Variants in NUMB observed in about 807,000 individuals in gnomAD.
The protein encoded by NUMB is NUMB endocytic adaptor protein, also known as protein numb homolog.
NUMB carries 29 observed loss-of-function variants against 59.7 expected under a neutral mutation model. That is an observed-to-expected ratio of 0.49 (90% confidence interval 0.36 to 0.66). The LOEUF is 0.66. Ranked by LOEUF, NUMB falls within the 30% of genes least tolerant of loss-of-function variation. The pLI is 0.00. For missense variants in NUMB, 723 were observed against 822.0 expected, an observed-to-expected ratio of 0.88 and a Z score of 1.47; for synonymous variants, 288 against 288.2, an observed-to-expected ratio of 1.00 and a Z score of 0.01.
intron 4 of NUMB, among the ~76,000 whole-genome samples, chr14:73,353,346 CA>C (rs1893568196): frequency 1.3e-5 from 2 of 150,344 alleles, no homozygotes; most frequent in Non-Finnish European, 3.0e-5. Context: ...CTCGGCATCC[CA>C]AAGTGCTGGG....
At chr14:73,284,617 G>C (rs1378674908) in intron 9 of NUMB, 1 of 339,580 alleles carries the variant, frequency 2.9e-6, no homozygotes, top group Non-Finnish European at 5.3e-6. Context: ...TTCTCATTCA[G>C]TGATTTATAA....
intron 1 of NUMB, among the ~76,000 whole-genome samples, chr14:73,413,956 CTT>C (rs748482351): frequency 3.9e-4 from 54 of 138,838 alleles, no homozygotes; most frequent in Middle Eastern, 3.7e-3. Context: ...AATGTTTTTT[CTT>C]TTTTTTTTTT....
intron 1 of NUMB, among the ~76,000 whole-genome samples, chr14:73,414,980 A>C (rs1018422724): frequency 6.6e-6 from 1 of 152,252 alleles, no homozygotes; most frequent in East Asian, 1.9e-4. Flanking sequence ...TCGGCCTCCC[A>C]AAGTGCTGGG....
intron 6 of NUMB, among the ~76,000 whole-genome samples, chr14:73,301,066 T>C (rs1196916110): frequency 6.6e-6 from 1 of 152,238 alleles, no homozygotes; most frequent in Admixed American, 6.5e-5. Flanking sequence ...GCAAGGTTTC[T>C]TCCATCTATC....
At chr14:73,452,779 A>C (rs1057367331) in intron 1 of NUMB, among the ~76,000 whole-genome samples, 1 of 152,184 alleles carries the variant, frequency 6.6e-6, no homozygotes, top group East Asian at 1.9e-4. Flanking sequence ...CTAAATCCAC[A>C]TGGTCCTTCC....
At chr14:73,284,464 C>T in intron 9 of NUMB, 90 bp from the exon 10 acceptor site, 1 of 1,088,546 alleles carries the variant, frequency 9.2e-7, no homozygotes, top group South Asian at 1.5e-5. Context: ...CCTCTAGGTC[C>T]TTTTACCCAT....
chr14:73,306,611 TTTCTC>T (rs1202575889), intron 6 of NUMB, among the ~76,000 whole-genome samples: 1 of 152,244 alleles, frequency 6.6e-6, no homozygotes, highest in African/African-American at 2.4e-5. Flanking sequence ...CTGAAATCTC[TTTCTC>T]TTCTAAGTTA....
At chr14:73,458,002 C>T (rs938563358) in intron 1 of NUMB, 8 of 152,860 alleles carry the variant, frequency 5.2e-5, no homozygotes, top group Non-Finnish European at 7.3e-5. Context: ...CCCTGCCCCC[C>T]ACCCCGCTCT....
At position 73,289,353 on chromosome 14, in the gene NUMB, T is replaced by G. The variant is rs537209592; in HGVS notation, c.451-2039A>C. ...TACACTGGATTACCCAGAGTCAATT[T>G]AATAAATTCAATGGATGATTTTTAG... is the stretch of plus-strand genomic sequence containing the variant. On this transcript the variant is annotated intron_variant, in intron 8 of 12. Transcript: ENST00000555238. Among the ~76,000 whole-genome samples the G allele has an allele frequency of 2.6e-5, 4 of 152,364 alleles. No homozygotes were observed. The East Asian group carries it at 7.7e-4, about 29-fold the overall frequency.
intron 1 of NUMB, among the ~76,000 whole-genome samples, chr14:73,410,315 C>T (rs201490198): frequency 2.6e-5 from 4 of 152,162 alleles, no homozygotes; most frequent in Non-Finnish European, 5.9e-5. Context: ...AAGAGCTATA[C>T]GATCTCAGTT....
At chr14:73,457,015 T>G (rs923184703) in intron 1 of NUMB, among the ~76,000 whole-genome samples, 1 of 151,664 alleles carries the variant, frequency 6.6e-6, no homozygotes, top group African/African-American at 2.4e-5. Context: ...CCAGTCACTA[T>G]CCTAAAAGCT....
At chr14:73,411,093 G>A (rs1053307675) in intron 1 of NUMB, among the ~76,000 whole-genome samples, 2 of 152,044 alleles carry the variant, frequency 1.3e-5, no homozygotes, top group Non-Finnish European at 2.9e-5. Flanking sequence ...GTGCAGTGGC[G>A]TGATCTCGGC....
intron 2 of NUMB, among the ~76,000 whole-genome samples, chr14:73,395,759 T>C (rs1896100436): frequency 6.6e-6 from 1 of 152,242 alleles, no homozygotes; most frequent in South Asian, 2.1e-4. Flanking sequence ...TATGTATAGC[T>C]ACACGTGACA....
At chr14:73,389,272 C>CAAAAAAAAAAAAAAAAAAAAA (rs869074049) in intron 2 of NUMB, among the ~76,000 whole-genome samples, 7 of 66,476 alleles carry the variant, frequency 1.1e-4, no homozygotes, top group African/African-American at 4.1e-4. Context: ...CTCCATCTCT[C>CAAAAAAAAAAAAAAAAAAAAA]AAAAAAAAAA....
At chr14:73,452,230 C>T (rs1357187239) in intron 1 of NUMB, among the ~76,000 whole-genome samples, 3 of 152,132 alleles carry the variant, frequency 2.0e-5, no homozygotes, top group Non-Finnish European at 2.9e-5. Context: ...TGTGGTAGTG[C>T]ACACCTGTAA....
chr14:73,276,622 G>A lies in NUMB; in HGVS notation c.1912C>T (p.Pro638Ser). Residue 638 changes from proline to serine, a missense_variant, in exon 13 of 13, where the codon CCT (proline) becomes TCT (serine). Pro to Ser is a moderately conservative substitution (Grantham distance 74, BLOSUM62 -1). Coordinates refer to ENST00000555238, the MANE Select transcript of NUMB (RefSeq NM_001005743.2). ...KQRTNPSPTN[P>S]FSSDLQKTFE... ...GTCTTCTGTAAGTCACTGGAGAAAG[G>A]GTTGGTAGGGGAGGGATTAGTACGC... 1 of 1,614,072 alleles carries A rather than the reference G, an allele frequency of 6.2e-7. No individual in the cohort carries two copies. The highest frequency in any genetic ancestry group is 8.5e-7 in the Non-Finnish European group (1 of 1,179,962).
At position 73,276,961 on chromosome 14, in the gene NUMB, G is replaced by A. The variant is rs1171754792; in HGVS notation, c.1573C>T (p.Pro525Ser). The change falls in exon 13 of 13, where the codon CCT becomes TCT. Residue 525 changes from proline (P) to serine (S), a missense_variant. By Grantham distance (74) the Pro-to-Ser change is moderately conservative. Transcript: ENST00000555238. ...NGMPYPAPNV[P>S]VVGITPSQMV... The stretch of plus-strand genomic sequence containing the variant: ...TGGGAGGGAGTGATGCCCACCACAG[G>A]CACATTAGGGGCTGGATAGGGCATT... 1.2e-6 allele frequency: 2 copies of A among 1,614,140 alleles called. No homozygotes were observed. Among genetic ancestry groups the A allele is most frequent in the East Asian group, 2.2e-5 (1 of 44,884 alleles).
chr14:73,309,929 T>A (rs1001497869), intron 6 of NUMB, among the ~76,000 whole-genome samples: 2 of 152,054 alleles, frequency 1.3e-5, no homozygotes, highest in Admixed American at 6.6e-5. Flanking sequence ...TAACAACATA[T>A]TACTTTTCAA....
intron 1 of NUMB, among the ~76,000 whole-genome samples, chr14:73,431,740 C>CTCCG (rs967455089): frequency 2.6e-5 from 4 of 151,800 alleles, no homozygotes; most frequent in Non-Finnish European, 4.4e-5. Flanking sequence ...CAGAGCAAGA[C>CTCCG]TCCGTCTCAA....
Sources: allele counts gnomAD v4.1 joint callset (sites outside exome capture counted in the v4.1 genomes callset), GRCh38; gene constraint gnomAD v4.1.1; transcripts MANE v1.5; gene names NCBI Gene and HGNC (gene_info 2026-07-23, HGNC 2026-07-21).